Variants in TASP1 observed in about 807,000 individuals in gnomAD.
TASP1 encodes the protein threonine aspartase 1.
Under a neutral mutation model 56.6 loss-of-function variants are expected in TASP1, and 16 were observed. The observed-to-expected ratio is 0.28, with a 90% confidence interval of 0.19 to 0.43. The LOEUF is 0.43. Among genes scored for constraint, TASP1 ranks in the 20% least tolerant of loss-of-function variants. The pLI is 1.00. For missense variants in TASP1, 393 were observed against 511.6 expected (o/e 0.77, Z 2.24); for synonymous variants, 179 against 184.2 (o/e 0.97, Z 0.23).
chr20:13,569,792 A>C (rs1455666374), intron 6 of TASP1, among the ~76,000 whole-genome samples: 1 of 152,130 alleles, frequency 6.6e-6, no homozygotes, highest in Non-Finnish European at 1.5e-5. Context: ...TTGGAATGTT[A>C]CAATACCATT....
chr20:13,558,106 T>C (rs1424232178), intron 8 of TASP1, among the ~76,000 whole-genome samples: 1 of 151,974 alleles, frequency 6.6e-6, no homozygotes, highest in Non-Finnish European at 1.5e-5. Flanking sequence ...CAAAAGATGA[T>C]GTATTGTGCA....
chr20:13,165,052 A>G, the TASP1 span: 1 of 543,978 alleles, frequency 1.8e-6, no homozygotes, highest in African/African-American at 1.9e-5. Flanking sequence ...AGACAAAAAC[A>G]TGATTCCAGA....
At chr20:13,328,643 C>T in the TASP1 span, among the ~76,000 whole-genome samples, 2 of 152,272 alleles carry the variant, frequency 1.3e-5, no homozygotes, top group East Asian at 1.9e-4. Context: ...GGAATGAGAT[C>T]GTGCCTTTGC....
chr20:13,150,081 T>C, the TASP1 span, among the ~76,000 whole-genome samples: 1 of 152,242 alleles, frequency 6.6e-6, no homozygotes, highest in South Asian at 2.1e-4. Flanking sequence ...GGCTGAGATG[T>C]ATCTGTGTGC....
At chr20:13,520,671 T>C (rs959340728) in intron 10 of TASP1, among the ~76,000 whole-genome samples, 11 of 152,120 alleles carry the variant, frequency 7.2e-5, no homozygotes, top group South Asian at 4.1e-4. Flanking sequence ...ATAAAAACCA[T>C]ATAAGAAAAC....
chr20:13,521,097 T>C (rs2044733632), intron 10 of TASP1, among the ~76,000 whole-genome samples: 1 of 152,142 alleles, frequency 6.6e-6, no homozygotes, highest in Admixed American at 6.5e-5. Flanking sequence ...CCAGTTAGAA[T>C]GGTGATCATT....
At chr20:13,440,108 C>T (rs1015056469) in intron 11 of TASP1, among the ~76,000 whole-genome samples, 4 of 152,070 alleles carry the variant, frequency 2.6e-5, no homozygotes, top group African/African-American at 9.7e-5. Flanking sequence ...AACAGCAACA[C>T]CTGAAGCTAA....
chr20:13,384,683 C>A (rs578041556), downstream of TASP1, among the ~76,000 whole-genome samples: 5 of 152,278 alleles, frequency 3.3e-5, no homozygotes, highest in African/African-American at 9.6e-5. Flanking sequence ...ATGTTTCCAA[C>A]CTCCCATTCA....
chr20:13,189,882 A>G, the TASP1 span, among the ~76,000 whole-genome samples: 54,663 of 152,086 alleles, frequency 0.36, 10,899 homozygotes, highest in African/African-American at 0.52. Context: ...TCATAATAGC[A>G]AAGACATAAA....
At chr20:13,335,769 A>G in the TASP1 span, among the ~76,000 whole-genome samples, 1 of 152,144 alleles carries the variant, frequency 6.6e-6, no homozygotes, top group Non-Finnish European at 1.5e-5. Flanking sequence ...CAAGGTTGAA[A>G]AAATGTCCAG....
At chr20:13,328,777 G>A in the TASP1 span, among the ~76,000 whole-genome samples, 1 of 142,574 alleles carries the variant, frequency 7.0e-6, no homozygotes, top group South Asian at 2.4e-4. Flanking sequence ...GTCACATTGT[G>A]GGGAACAACA....
chr20:13,491,321 T>C (rs150702674), intron 10 of TASP1, among the ~76,000 whole-genome samples: 3 of 152,314 alleles, frequency 2.0e-5, no homozygotes, highest in Non-Finnish European at 4.4e-5. Context: ...ATAAAACCTA[T>C]TTTTATTCTC....
chr20:13,443,429 A>G (rs2043292319), intron 11 of TASP1, among the ~76,000 whole-genome samples: 1 of 152,230 alleles, frequency 6.6e-6, no homozygotes, highest in African/African-American at 2.4e-5. Flanking sequence ...TTCCATTAAC[A>G]TATGTGCAAG....
At chr20:13,123,223 C>T in the TASP1 span, among the ~76,000 whole-genome samples, 276 of 151,938 alleles carry the variant, frequency 1.8e-3, no homozygotes, top group Non-Finnish European at 3.6e-3. Context: ...CCCAGCTACT[C>T]GGGAGGCTGA....
At chr20:13,227,109 C>T in the TASP1 span, among the ~76,000 whole-genome samples, 1 of 152,132 alleles carries the variant, frequency 6.6e-6, no homozygotes, top group Non-Finnish European at 1.5e-5. Flanking sequence ...ATTAATATTG[C>T]AACTTCTGCT....
At chr20:13,300,933 C>T in the TASP1 span, among the ~76,000 whole-genome samples, 3 of 152,308 alleles carry the variant, frequency 2.0e-5, no homozygotes, top group South Asian at 6.2e-4. Context: ...ATGAGCAGGG[C>T]CACTTCCACA....
chr20:13,134,124 T>C, the TASP1 span, among the ~76,000 whole-genome samples: 1 of 152,204 alleles, frequency 6.6e-6, no homozygotes, highest in Admixed American at 6.5e-5. Flanking sequence ...CAGGTGCAGC[T>C]ACCATATAAC....
At chr20:13,533,661 G>A (rs1195195256) in intron 9 of TASP1, among the ~76,000 whole-genome samples, 1 of 152,106 alleles carries the variant, frequency 6.6e-6, no homozygotes, top group Non-Finnish European at 1.5e-5. Flanking sequence ...CAACTAAAAA[G>A]CAAGCAGTAT....
chr20:13,118,018 T>C, the TASP1 span, among the ~76,000 whole-genome samples: 4,979 of 152,202 alleles, frequency 0.033, 223 homozygotes, highest in African/African-American at 0.1. Context: ...CTCTGTTAAG[T>C]AGTATCTAGG....
Sources: allele counts gnomAD v4.1 joint callset (sites outside exome capture counted in the v4.1 genomes callset), GRCh38; gene constraint gnomAD v4.1.1; transcripts MANE v1.5; gene names NCBI Gene and HGNC (gene_info 2026-07-23, HGNC 2026-07-21).